The following ARL13B variants were observed in gnomAD, a reference collection of about 807,000 sequenced individuals.
ARL13B encodes the protein ADP-ribosylation factor-like protein 13B.
A neutral mutation model predicts 56.1 loss-of-function variants in ARL13B; 36 were observed. The observed-to-expected ratio is 0.64, with a 90% CI of 0.49 to 0.85. The LOEUF (loss-of-function observed/expected upper bound fraction) is 0.85, where lower values mean the gene tolerates loss of function less well. ARL13B is among the 40% of genes least tolerant of loss of function. ARL13B has a pLI of 0.00. For synonymous variants in ARL13B, 178 were observed against 171.1 expected (o/e 1.04, Z -0.32); for missense variants, 519 against 507.1 (o/e 1.02, Z -0.23).
chr3:93,981,078 A>G (rs907535308), intron 1 of ARL13B, among the ~76,000 whole-genome samples: 1 of 152,218 alleles, frequency 6.6e-6, no homozygotes, highest in African/African-American at 2.4e-5. Context: ...CAATTTTTAT[A>G]CGGTCTCTAG....
intron 3 of ARL13B, among the ~76,000 whole-genome samples, chr3:94,008,927 G>A (rs1006117802): frequency 6.6e-6 from 1 of 152,130 alleles, no homozygotes; most frequent in Non-Finnish European, 1.5e-5. Flanking sequence ...TACAGCAAAA[G>A]TGATATATGT....
intron 2 of ARL13B, among the ~76,000 whole-genome samples, chr3:93,997,081 T>A (rs1353331115): frequency 6.6e-6 from 1 of 152,026 alleles, no homozygotes; most frequent in African/African-American, 2.4e-5. Flanking sequence ...CCCCCCCAGA[T>A]GGGACCATCT....
intron 3 of ARL13B, chr3:94,015,338 T>C: frequency 7.3e-7 from 1 of 1,369,548 alleles, no homozygotes; most frequent in Non-Finnish European, 9.8e-7. Context: ...TTTTCCCCAG[T>C]AGCAGTTGAC....
chr3:94,040,092 CT>C, intron 6 of ARL13B, 104 bp downstream of exon 6: 1 of 922,360 alleles, frequency 1.1e-6, no homozygotes, highest in Non-Finnish European at 1.7e-6. Flanking sequence ...AGATGTGTTT[CT>C]TCTGAGAGAT....
At chr3:94,024,332 A>G (rs1375590149) in intron 3 of ARL13B, among the ~76,000 whole-genome samples, 1 of 152,214 alleles carries the variant, frequency 6.6e-6, no homozygotes, top group Non-Finnish European at 1.5e-5. Context: ...AAAGAGTAAC[A>G]ATGTTAGAAG....
intron 3 of ARL13B, among the ~76,000 whole-genome samples, chr3:94,017,106 G>A (rs1011292704): frequency 5.3e-5 from 8 of 152,320 alleles, no homozygotes; most frequent in African/African-American, 1.9e-4. Flanking sequence ...TGAGATGGAA[G>A]TTCTTAAGTT....
intron 3 of ARL13B, among the ~76,000 whole-genome samples, chr3:94,011,842 C>A (rs954471236): frequency 1.3e-5 from 2 of 152,062 alleles, no homozygotes; most frequent in African/African-American, 2.4e-5. Flanking sequence ...GAAAGAATTG[C>A]CTGTAGTGGC....
rs547828458 is a variant in ARL13B at position 94,041,677 on chromosome 3, G to A, written c.799-1338G>A. On this transcript the variant is annotated intron_variant, in intron 6 of 9. Coordinates refer to ENST00000394222, the MANE Select transcript of ARL13B (RefSeq NM_001174150.2). ...ACTCTGTGACTAGTCCTAGTGACAC[G>A]TATGCACAAAAGAACTCTTACAAAT... Among the ~76,000 whole-genome samples the A allele has an allele frequency of 6.9e-4, 105 of 152,220 alleles. 2 individuals are homozygous for A. In the South Asian group the frequency reaches 0.013, roughly 20 times the overall value.
chr3:93,980,753 G>A (rs2107301841), intron 1 of ARL13B, among the ~76,000 whole-genome samples: 1 of 152,114 alleles, frequency 6.6e-6, no homozygotes, highest in Non-Finnish European at 1.5e-5. Context: ...GTGTGTGTGT[G>A]TGTGTGTGGA....
intron 3 of ARL13B, chr3:94,015,336 A>G (rs1289920732): frequency 2.9e-6 from 4 of 1,387,020 alleles, no homozygotes; most frequent in Non-Finnish European, 3.8e-6. Context: ...ATTTTTCCCC[A>G]GTAGCAGTTG....
At position 94,055,494 on chromosome 3, in the gene ARL13B, C is replaced by T. The variant is rs1312196654; in HGVS notation, c.*2231C>T. On this transcript the variant is annotated 3_prime_UTR_variant, in exon 10 of 10. Transcript: ENST00000394222. ...TGATTTTAAATGCAGCTACAAATAGCATTTCACCATATGATGTTAGAGGAT... is the reference window on the plus strand; with the variant it reads ...TGATTTTAAATGCAGCTACAAATAGTATTTCACCATATGATGTTAGAGGAT... 3 of 453,894 alleles carry T rather than the reference C, an allele frequency of 6.6e-6. No homozygotes were observed. The highest frequency in any genetic ancestry group is 4.7e-5 in the Admixed American group (2 of 42,570). The allele number at this position is 453,894 out of a possible 1,614,324, so 28.1% of individuals were successfully genotyped here.
chr3:94,004,647 C>G (rs1026573676), intron 3 of ARL13B, among the ~76,000 whole-genome samples: 2 of 149,566 alleles, frequency 1.3e-5, no homozygotes, highest in African/African-American at 4.9e-5. Flanking sequence ...AAAAAAAAAT[C>G]AACCTGTCAT....
At chr3:94,037,383 C>G (rs986683189) in intron 5 of ARL13B, among the ~76,000 whole-genome samples, 1 of 152,108 alleles carries the variant, frequency 6.6e-6, no homozygotes, top group Non-Finnish European at 1.5e-5. Flanking sequence ...GAACTCACTA[C>G]CCTTGGTGAC....
chr3:94,014,741 T>A, intron 3 of ARL13B: 16 of 1,613,094 alleles, frequency 9.9e-6, no homozygotes, highest in Non-Finnish European at 1.4e-5. Flanking sequence ...TCTTCAGACA[T>A]CTCTTTTCCA....
intron 2 of ARL13B, among the ~76,000 whole-genome samples, chr3:93,997,562 A>G: frequency 6.6e-6 from 1 of 152,232 alleles, no homozygotes. Flanking sequence ...CACTATCATT[A>G]TTTAAACTAG....
At chr3:94,033,283 G>A (rs772933842) in intron 3 of ARL13B, among the ~76,000 whole-genome samples, 11 of 152,004 alleles carry the variant, frequency 7.2e-5, no homozygotes, top group Non-Finnish European at 1.5e-4. Context: ...TAAGCTTATG[G>A]TTACACTGAA....
intron 3 of ARL13B, among the ~76,000 whole-genome samples, chr3:94,030,123 G>T (rs1021089673): frequency 6.6e-6 from 1 of 152,134 alleles, no homozygotes; most frequent in Non-Finnish European, 1.5e-5. Flanking sequence ...AATGAAAATG[G>T]TTACCTATAA....
chr3:94,049,574 G>T, intron 8 of ARL13B, 52 bp downstream of exon 8: 4 of 977,380 alleles, frequency 4.1e-6, no homozygotes, highest in South Asian at 2.1e-5. Flanking sequence ...TTAAACAACA[G>T]AGAAAAAAAA....
Position 94,049,503 on chromosome 3 carries a change from A to G in ARL13B, c.1122A>G (p.Pro374=). The G allele has an allele frequency of 3.8e-6, 5 of 1,319,368 alleles. No homozygotes were observed. Among genetic ancestry groups the G allele is most frequent in the Non-Finnish European group, 5.3e-6 (5 of 944,060 alleles). 81.7% of individuals were successfully genotyped at this position (1,319,368 alleles called of 1,614,324 possible). Residue 374 remains proline (P), a synonymous_variant, in exon 8 of 10, where the codon CCA becomes CCG. Transcript: ENST00000394222. ...ACTGTGCTCCTGAGAGTCCAACGCC[A>G]CCCCCACCCCCTCCTCCTGGTGAGT... ...IDDCAPESPT[P]PPPPPPVGWG...
Sources: gnomAD v4.1 joint callset for allele counts (sites outside exome capture counted in the v4.1 genomes callset) on GRCh38, gnomAD v4.1.1 for gene constraint, MANE v1.5 for transcripts, NCBI Gene and HGNC (gene_info 2026-07-23, HGNC 2026-07-21) for gene names.